KAZN: variants seen among roughly 807,000 people sequenced by gnomAD.
KAZN encodes the protein kazrin, periplakin interacting protein.
A neutral mutation model predicts 87.4 loss-of-function variants in KAZN; 40 were observed. The observed-to-expected ratio is 0.46, with a 90% CI of 0.36 to 0.60. KAZN has a LOEUF of 0.60. Ranked by LOEUF, KAZN falls within the 20% of genes least tolerant of loss-of-function variation. KAZN has a pLI of 0.00. For synonymous variants in KAZN, 466 were observed against 458.3 expected, an observed-to-expected ratio of 1.02 and a Z score of -0.22; for missense variants, 898 against 1,073.9, an observed-to-expected ratio of 0.84 and a Z score of 2.29.
intron 1 of KAZN, among the ~76,000 whole-genome samples, chr1:14,075,831 G>A (rs149169393): frequency 4.5e-4 from 68 of 152,262 alleles, no homozygotes; most frequent in Middle Eastern, 6.8e-3. Context: ...CCGGACGTCA[G>A]TGGCACCCTG....
chr1:14,538,371 T>A (rs1672619094), intron 2 of KAZN, among the ~76,000 whole-genome samples: 2 of 152,220 alleles, frequency 1.3e-5, no homozygotes, highest in African/African-American at 4.8e-5. Flanking sequence ...TCATCTATTT[T>A]TGTGCTATAA....
At chr1:14,523,689 C>T (rs1671704029) in intron 2 of KAZN, among the ~76,000 whole-genome samples, 1 of 152,216 alleles carries the variant, frequency 6.6e-6, no homozygotes, top group Admixed American at 6.5e-5. Flanking sequence ...CCCTTACTTC[C>T]TCTTCAGTGT....
intron 2 of KAZN, among the ~76,000 whole-genome samples, chr1:14,345,109 G>A (rs2789744): frequency 6.6e-6 from 1 of 151,938 alleles, no homozygotes; most frequent in Admixed American, 6.6e-5. Flanking sequence ...AGTAGAGATG[G>A]TGTTTACCAT....
intron 2 of KAZN, among the ~76,000 whole-genome samples, chr1:15,012,688 G>A (rs1415262344): frequency 1.3e-5 from 2 of 152,192 alleles, no homozygotes; most frequent in East Asian, 1.9e-4. Flanking sequence ...TTAGGAGGCT[G>A]AGGCGGGTGG....
intron 1 of KAZN, among the ~76,000 whole-genome samples, chr1:13,977,329 T>G (rs1329016088): frequency 6.6e-6 from 1 of 152,228 alleles, no homozygotes; most frequent in African/African-American, 2.4e-5. Flanking sequence ...CCCCTATGAC[T>G]CAGTTTCTCA....
chr1:14,273,836 T>G (rs76105639), intron 2 of KAZN, among the ~76,000 whole-genome samples: 1 of 9,026 alleles, frequency 1.1e-4, no homozygotes, highest in South Asian at 2.7e-3. Context: ...GGGAGCAGTA[T>G]TTTTTTTTTT....
At position 14,875,482 on chromosome 1, in the gene KAZN, TAAAAAAA is replaced by T. The variant is rs34495884; in HGVS notation, c.227-85193_227-85187del. On this transcript the variant is annotated intron_variant, in intron 1 of 14. Coordinates refer to ENST00000376030, the MANE Select transcript of KAZN (RefSeq NM_201628.3). ...CTGCCTTGCATTGTCCTTAATTTAT[TAAAAAAA>T]AAAAAAAAGAAAAAAGAAAAAAAAA... 2.9e-3 allele frequency among the ~76,000 whole-genome samples: 392 copies of T among 134,152 alleles called. 3 individuals carry two copies. The highest frequency in any genetic ancestry group is 0.011 in the African/African-American group (375 of 35,618). The allele number at this position is 134,152 out of a possible 152,430, so 88.0% of individuals were successfully genotyped here. A position where few individuals can be genotyped will look rare whatever the true frequency, so the allele number is the denominator to read the frequency against.
chr1:13,983,016 G>A (rs900963399), intron 1 of KAZN, among the ~76,000 whole-genome samples: 1 of 152,212 alleles, frequency 6.6e-6, no homozygotes, highest in South Asian at 2.1e-4. Flanking sequence ...TAGATACAGA[G>A]TGCCCATTGG....
intron 1 of KAZN, among the ~76,000 whole-genome samples, chr1:14,005,221 G>C (rs886380872): frequency 2.1e-4 from 32 of 152,208 alleles, no homozygotes; most frequent in Non-Finnish European, 3.8e-4. Context: ...CATTCTGGAT[G>C]TGGAGAGAGA....
Position 14,663,193 on chromosome 1 carries a change from T to C in KAZN, c.226+63970T>C, listed in dbSNP as rs141629971. The stretch of plus-strand genomic sequence containing the variant: ...AATCTCACCATGTTGTCCAGGCTGA[T>C]CTCAAACTCCAGGACTCAAGCAATC... On this transcript the variant is annotated intron_variant, in intron 1 of 14. Transcript: ENST00000376030. Among the ~76,000 whole-genome samples, 33 of 152,154 alleles carry C rather than the reference T, an allele frequency of 2.2e-4. No homozygotes were observed. The East Asian group carries it at 5.8e-3, about 27-fold the overall frequency.
intron 1 of KAZN, among the ~76,000 whole-genome samples, chr1:14,825,434 T>G (rs1457964249): frequency 6.6e-6 from 1 of 152,154 alleles, no homozygotes; most frequent in African/African-American, 2.4e-5. Context: ...AAGTATGCAT[T>G]CCTGCTTGCC....
chr1:15,068,256 C>T (rs1639350467), intron 8 of KAZN: 1 of 215,450 alleles, frequency 4.6e-6, no homozygotes, highest in Non-Finnish European at 7.9e-6. Flanking sequence ...ACTTCCAGGG[C>T]TGGGTTCTGG....
chr1:14,037,115 T>C (rs1470175065), intron 1 of KAZN, among the ~76,000 whole-genome samples: 2 of 152,138 alleles, frequency 1.3e-5, no homozygotes, highest in Admixed American at 6.5e-5. Context: ...TGAACAAAAA[T>C]GGGATCACAT....
chr1:14,379,678 A>C (rs1661208850), intron 2 of KAZN, among the ~76,000 whole-genome samples: 1 of 152,148 alleles, frequency 6.6e-6, no homozygotes, highest in Non-Finnish European at 1.5e-5. Context: ...GGGAGGAAAG[A>C]ATGGGAAGGA....
intron 2 of KAZN, among the ~76,000 whole-genome samples, chr1:15,009,311 C>T (rs1324471134): frequency 6.6e-6 from 1 of 152,224 alleles, no homozygotes; most frequent in African/African-American, 2.4e-5. Context: ...AGAATCCCGA[C>T]AGAAGAGAGG....
intron 2 of KAZN, among the ~76,000 whole-genome samples, chr1:14,418,782 T>G (rs989671412): frequency 6.6e-6 from 1 of 152,182 alleles, no homozygotes; most frequent in African/African-American, 2.4e-5. Flanking sequence ...CTTCTCCCAC[T>G]CAAAGTCATG....
intron 2 of KAZN, among the ~76,000 whole-genome samples, chr1:14,227,372 C>T (rs1157203716): frequency 6.6e-6 from 1 of 152,050 alleles, no homozygotes; most frequent in African/African-American, 2.4e-5. Context: ...GGGGATGGGT[C>T]GAGTGCCAGG....
chr1:14,047,889 T>G (rs6660934), intron 1 of KAZN, among the ~76,000 whole-genome samples: 140,785 of 151,262 alleles, frequency 0.93, 65,583 homozygotes, highest in Admixed American at 0.96. Flanking sequence ...AAAAAAAAAA[T>G]AAAGAAAGAA....
At chr1:14,573,537 C>T (rs1451679033) in intron 2 of KAZN, among the ~76,000 whole-genome samples, 1 of 152,112 alleles carries the variant, frequency 6.6e-6, no homozygotes, top group African/African-American at 2.4e-5. Context: ...ATCCCAGCTA[C>T]TAGAGAAGCT....
Sources: allele counts gnomAD v4.1 joint callset (sites outside exome capture counted in the v4.1 genomes callset), GRCh38; gene constraint gnomAD v4.1.1; transcripts MANE v1.5; gene names NCBI Gene and HGNC (gene_info 2026-07-23, HGNC 2026-07-21).